The following CAST variants were observed in gnomAD, a reference collection of about 807,000 sequenced individuals.
CAST encodes the protein MIR583 host.
In CAST, 76 loss-of-function variants were observed where a neutral mutation model predicts 119.6. That is an observed-to-expected ratio of 0.64 (90% CI 0.53 to 0.77). CAST has a LOEUF of 0.77. Ranked by LOEUF, CAST falls within the 30% of genes least tolerant of loss-of-function variation. The pLI is 0.00. For synonymous variants in CAST, 319 were observed against 331.6 expected, an observed-to-expected ratio of 0.96 and a Z score of 0.41; for missense variants, 953 against 946.5, an observed-to-expected ratio of 1.01 and a Z score of -0.09.
chr5:96,134,706 A>G, the CAST span, among the ~76,000 whole-genome samples: 2 of 152,222 alleles, frequency 1.3e-5, no homozygotes, highest in Non-Finnish European at 2.9e-5. Context: ...CATCTAAATA[A>G]AGAAGTCTCT....
At chr5:96,482,718 G>A in the CAST span, among the ~76,000 whole-genome samples, 1 of 152,150 alleles carries the variant, frequency 6.6e-6, no homozygotes, top group Non-Finnish European at 1.5e-5. Flanking sequence ...GCTGTGGTGA[G>A]AGAGGAAAGT....
chr5:96,320,900 G>T, the CAST span, among the ~76,000 whole-genome samples: 1 of 152,156 alleles, frequency 6.6e-6, no homozygotes, highest in Non-Finnish European at 1.5e-5. Flanking sequence ...GTCTGAATCT[G>T]ATAGTCCCCC....
the CAST span, among the ~76,000 whole-genome samples, chr5:96,288,158 AT>A: frequency 3.7e-4 from 57 of 152,284 alleles, 1 homozygote; most frequent in African/African-American, 1.3e-3. Context: ...AAAATTGTGA[AT>A]TGTGGGTGCA....
At chr5:96,506,670 TC>T in the CAST span, among the ~76,000 whole-genome samples, 146,874 of 152,200 alleles carry the variant, frequency 0.97, 71,112 homozygotes, top group East Asian at 1. Context: ...TGAGGAGGTC[TC>T]CTCCTCCCAC....
At chr5:96,305,664 G>T in the CAST span, among the ~76,000 whole-genome samples, 1 of 152,168 alleles carries the variant, frequency 6.6e-6, no homozygotes, top group Non-Finnish European at 1.5e-5. Context: ...TAGCATAAAA[G>T]GCTGTTGAAT....
chr5:96,111,992 T>C, the CAST span, among the ~76,000 whole-genome samples: 1 of 151,312 alleles, frequency 6.6e-6, no homozygotes. Flanking sequence ...AAACTATATA[T>C]ATTTTATATA....
chr5:96,167,332 A>G, the CAST span, among the ~76,000 whole-genome samples: 1 of 152,174 alleles, frequency 6.6e-6, no homozygotes, highest in Non-Finnish European at 1.5e-5. Context: ...TGTGTAGTTG[A>G]GAATGGTGAA....
At chr5:96,263,340 G>A in the CAST span, among the ~76,000 whole-genome samples, 2 of 152,130 alleles carry the variant, frequency 1.3e-5, no homozygotes, top group African/African-American at 4.8e-5. Flanking sequence ...GTGATAAGCA[G>A]TTGGACAAGT....
chr5:96,221,098 T>C, the CAST span, among the ~76,000 whole-genome samples: 1 of 152,092 alleles, frequency 6.6e-6, no homozygotes. Flanking sequence ...TGATTTGTAG[T>C]CTCTAAGAAC....
chr5:96,336,374 A>C, the CAST span, among the ~76,000 whole-genome samples: 42 of 152,334 alleles, frequency 2.8e-4, no homozygotes, highest in African/African-American at 9.4e-4. Context: ...TTAGGGAGAG[A>C]GGGAAAAAGA....
chr5:96,637,567 A>G (rs1383433174), intron 1 of CAST, among the ~76,000 whole-genome samples: 1 of 152,238 alleles, frequency 6.6e-6, no homozygotes, highest in Admixed American at 6.5e-5. Context: ...CATTAAACAG[A>G]TGAAGACTGG....
the CAST span, among the ~76,000 whole-genome samples, chr5:96,291,843 C>T: frequency 1.2e-4 from 16 of 133,054 alleles, no homozygotes; most frequent in East Asian, 6.8e-4. Flanking sequence ...TCCCAGTCTG[C>T]GTGTGTGTGT....
At chr5:96,315,083 T>A in the CAST span, among the ~76,000 whole-genome samples, 124 of 152,318 alleles carry the variant, frequency 8.1e-4, no homozygotes, top group African/African-American at 2.8e-3. Context: ...ATAAACCACA[T>A]GTTATGGGAA....
chr5:96,738,051 G>C, intron 11 of CAST, 104 bp downstream of exon 11: 1 of 669,388 alleles, frequency 1.5e-6, no homozygotes, highest in South Asian at 1.8e-5. Flanking sequence ...GCCAGGCGCA[G>C]TGGCTCACAT....
At chr5:96,020,076 T>C in the CAST span, among the ~76,000 whole-genome samples, 1 of 152,226 alleles carries the variant, frequency 6.6e-6, no homozygotes, top group South Asian at 2.1e-4. Context: ...GATATTATCC[T>C]CATTTACATA....
the CAST span, among the ~76,000 whole-genome samples, chr5:96,080,451 G>T: frequency 6.6e-6 from 1 of 152,144 alleles, no homozygotes; most frequent in Non-Finnish European, 1.5e-5. Flanking sequence ...TAGTTTGGCA[G>T]GGCAAATTGA....
chr5:96,461,473 C>T, the CAST span, among the ~76,000 whole-genome samples: 1 of 152,058 alleles, frequency 6.6e-6, no homozygotes, highest in African/African-American at 2.4e-5. Context: ...TCATTCGCAT[C>T]AGGAAGGTAG....
chr5:96,020,222 T>A, the CAST span, among the ~76,000 whole-genome samples: 1 of 152,320 alleles, frequency 6.6e-6, no homozygotes, highest in South Asian at 2.1e-4. Context: ...TTGGTATGAT[T>A]TCTTGGATTC....
At chr5:96,314,649 C>A in the CAST span, among the ~76,000 whole-genome samples, 1 of 152,146 alleles carries the variant, frequency 6.6e-6, no homozygotes, top group African/African-American at 2.4e-5. Context: ...TCTTCAAGAT[C>A]AGACCAAATA....
Sources: allele counts gnomAD v4.1 joint callset (sites outside exome capture counted in the v4.1 genomes callset), GRCh38; gene constraint gnomAD v4.1.1; transcripts MANE v1.5; gene names NCBI Gene and HGNC (gene_info 2026-07-23, HGNC 2026-07-21).